Variants in NAALADL2 observed in about 807,000 individuals in gnomAD.
The protein encoded by NAALADL2 is inactive N-acetylated-alpha-linked acidic dipeptidase-like protein 2.
A neutral mutation model predicts 87.2 loss-of-function variants in NAALADL2; 76 were observed. That is an observed-to-expected ratio of 0.87 (90% confidence interval 0.72 to 1.05). NAALADL2 has a LOEUF of 1.05. NAALADL2 is among the 50% of genes least tolerant of loss of function. The probability of loss-of-function intolerance (pLI) is 0.00; values close to 1 mark genes in which losing one functional copy is unlikely to be tolerated. For missense variants in NAALADL2, 1,089 were observed against 945.8 expected (o/e 1.15, Z -1.99); for synonymous variants, 354 against 331.0 (o/e 1.07, Z -0.75).
chr3:175,780,028 G>A (rs1197533498), intron 13 of NAALADL2, among the ~76,000 whole-genome samples: 1 of 152,032 alleles, frequency 6.6e-6, no homozygotes. Flanking sequence ...CAGCACTCTG[G>A]GAGGCCGAGG....
intron 1 of NAALADL2, among the ~76,000 whole-genome samples, chr3:174,468,288 G>A (rs148005612): frequency 1.3e-5 from 2 of 152,246 alleles, no homozygotes; most frequent in African/African-American, 4.8e-5. Context: ...TGAGGAATGT[G>A]AGTGTGAAGA....
At chr3:175,417,276 T>C (rs1714822196) in intron 5 of NAALADL2, among the ~76,000 whole-genome samples, 1 of 151,876 alleles carries the variant, frequency 6.6e-6, no homozygotes, top group South Asian at 2.1e-4. Flanking sequence ...AGAAAGTAAA[T>C]AATTATTGAA....
intron 2 of NAALADL2, among the ~76,000 whole-genome samples, chr3:175,186,269 C>A (rs1452224759): frequency 2.0e-5 from 3 of 152,044 alleles, no homozygotes; most frequent in South Asian, 4.1e-4. Context: ...TGAGAGAATT[C>A]TCTTCTTCAT....
chr3:175,097,726 CAT>C (rs1721403136), intron 2 of NAALADL2, among the ~76,000 whole-genome samples: 2 of 152,198 alleles, frequency 1.3e-5, no homozygotes, highest in South Asian at 4.1e-4. Context: ...TCACCGATGT[CAT>C]ATAACTAGTG....
At chr3:175,776,472 A>G (rs1750262437) in intron 13 of NAALADL2, 1 of 152,192 alleles carries the variant, frequency 6.6e-6, no homozygotes, top group African/African-American at 2.4e-5. Flanking sequence ...GACCTCTCTG[A>G]CCAATTCTTT....
chr3:174,506,398 C>G (rs1324794724), intron 1 of NAALADL2, among the ~76,000 whole-genome samples: 2 of 151,996 alleles, frequency 1.3e-5, no homozygotes, highest in African/African-American at 4.8e-5. Context: ...CCAGGCTGGT[C>G]TCAAACTCCT....
chr3:175,647,230 G>C (rs1283877624), intron 11 of NAALADL2, among the ~76,000 whole-genome samples: 1 of 152,096 alleles, frequency 6.6e-6, no homozygotes. Context: ...AGTCACGTCT[G>C]CTATCCATTT....
intron 1 of NAALADL2, among the ~76,000 whole-genome samples, chr3:174,528,730 G>A (rs1720979378): frequency 6.6e-6 from 1 of 152,188 alleles, no homozygotes; most frequent in Admixed American, 6.5e-5. Flanking sequence ...GAAGGTGAAA[G>A]GCACGTCTCA....
chr3:174,588,564 G>T (rs2108578360), intron 2 of NAALADL2, among the ~76,000 whole-genome samples: 1 of 152,248 alleles, frequency 6.6e-6, no homozygotes, highest in African/African-American at 2.4e-5. Flanking sequence ...TGGTGTGGAT[G>T]TCCTTTCTGT....
At chr3:174,719,268 T>A (rs1257263068) in intron 2 of NAALADL2, among the ~76,000 whole-genome samples, 2 of 152,218 alleles carry the variant, frequency 1.3e-5, no homozygotes, top group Admixed American at 6.5e-5. Flanking sequence ...ATCAACTTTC[T>A]TTTGAAAAAT....
intron 5 of NAALADL2, among the ~76,000 whole-genome samples, chr3:175,387,506 G>C (rs1482270861): frequency 6.6e-6 from 1 of 151,984 alleles, no homozygotes; most frequent in Non-Finnish European, 1.5e-5. Context: ...TTTATGTTTA[G>C]TATCATTATA....
intron 1 of NAALADL2, among the ~76,000 whole-genome samples, chr3:174,915,914 A>G (rs1734316144): frequency 6.6e-6 from 1 of 152,182 alleles, no homozygotes; most frequent in Non-Finnish European, 1.5e-5. Context: ...ACAGCAAAAG[A>G]AATAATCAGC....
chr3:174,732,750 T>A (rs1398168395), intron 2 of NAALADL2, among the ~76,000 whole-genome samples: 1 of 152,132 alleles, frequency 6.6e-6, no homozygotes, highest in Non-Finnish European at 1.5e-5. Flanking sequence ...GAAGACTGTT[T>A]TAGAAAAAGG....
intron 1 of NAALADL2, among the ~76,000 whole-genome samples, chr3:175,014,018 C>T (rs1030545880): frequency 2.0e-5 from 3 of 152,082 alleles, no homozygotes; most frequent in East Asian, 1.9e-4. Flanking sequence ...GGTTAAAATC[C>T]GACCTCTGTC....
intron 9 of NAALADL2, among the ~76,000 whole-genome samples, chr3:175,516,019 G>A (rs533040675): frequency 6.6e-5 from 10 of 152,114 alleles, no homozygotes; most frequent in Non-Finnish European, 8.8e-5. Flanking sequence ...TAGTCTTTAG[G>A]GAAAACGTTT....
chr3:175,733,570 C>G (rs1261591719), intron 11 of NAALADL2, among the ~76,000 whole-genome samples: 1 of 152,168 alleles, frequency 6.6e-6, no homozygotes, highest in Non-Finnish European at 1.5e-5. Context: ...CATTGCACCC[C>G]TGGCCCCTCC....
chr3:174,980,797 G>T (rs1334272283), intron 1 of NAALADL2, among the ~76,000 whole-genome samples: 13 of 147,422 alleles, frequency 8.8e-5, no homozygotes, highest in African/African-American at 2.4e-4. Flanking sequence ...ATAAATAACT[G>T]TTCCTCACTT....
intron 1 of NAALADL2, among the ~76,000 whole-genome samples, chr3:174,466,867 T>A (rs1716564133): frequency 6.6e-6 from 1 of 152,232 alleles, no homozygotes; most frequent in Non-Finnish European, 1.5e-5. Flanking sequence ...TTTATATAAA[T>A]GTTACTGTTA....
intron 10 of NAALADL2, among the ~76,000 whole-genome samples, chr3:175,585,990 T>TA (rs1720490260): frequency 2.6e-5 from 4 of 152,062 alleles, no homozygotes; most frequent in South Asian, 4.2e-4. Flanking sequence ...ATGATTTTTT[T>TA]AAAAATTTAA....
Sources: gnomAD v4.1 joint callset for allele counts (sites outside exome capture counted in the v4.1 genomes callset) on GRCh38, gnomAD v4.1.1 for gene constraint, MANE v1.5 for transcripts, NCBI Gene and HGNC (gene_info 2026-07-23, HGNC 2026-07-21) for gene names.